PLA2G4A: variants seen among roughly 807,000 people sequenced by gnomAD.
PLA2G4A encodes cytosolic phospholipase A2.
A neutral mutation model predicts 81.9 loss-of-function variants in PLA2G4A; 40 were observed. That is an observed-to-expected ratio of 0.49 (90% CI 0.38 to 0.64). The LOEUF (loss-of-function observed/expected upper bound fraction) is 0.64, where lower values mean the gene tolerates loss of function less well. Ranked by LOEUF, PLA2G4A falls within the 30% of genes least tolerant of loss-of-function variation. The pLI is 0.00. For missense variants in PLA2G4A, 715 were observed against 905.1 expected (o/e 0.79, Z 2.69); for synonymous variants, 302 against 296.9 (o/e 1.02, Z -0.18).
intron 5 of PLA2G4A, among the ~76,000 whole-genome samples, chr1:186,894,727 T>C (rs565200561): frequency 1.3e-5 from 2 of 152,304 alleles, no homozygotes; most frequent in Admixed American, 1.3e-4. Context: ...CCAAAAGGAT[T>C]GATGGGAGGT....
At chr1:186,889,797 C>A (rs139288105) in intron 3 of PLA2G4A, among the ~76,000 whole-genome samples, 8 of 152,034 alleles carry the variant, frequency 5.3e-5, no homozygotes, top group Middle Eastern at 3.2e-3. Context: ...TCTCTCCCCC[C>A]TCCCTCCCTC....
At chr1:186,912,488 C>G (rs554141892) in intron 7 of PLA2G4A, among the ~76,000 whole-genome samples, 1 of 152,166 alleles carries the variant, frequency 6.6e-6, no homozygotes, top group South Asian at 2.1e-4. Context: ...CCCTGCACCA[C>G]TGATACTTTT....
chr1:186,918,554 C>T (rs1325194669), intron 7 of PLA2G4A, among the ~76,000 whole-genome samples: 1 of 152,178 alleles, frequency 6.6e-6, no homozygotes, highest in South Asian at 2.1e-4. Context: ...GTTACCACCG[C>T]ATATCCTGCA....
intron 13 of PLA2G4A, among the ~76,000 whole-genome samples, chr1:186,951,816 C>T (rs1656571613): frequency 6.6e-6 from 1 of 152,090 alleles, no homozygotes; most frequent in African/African-American, 2.4e-5. Context: ...AAAGAGGATT[C>T]CTTCCCTGGG....
intron 8 of PLA2G4A, 97 bp from the exon 9 acceptor site, chr1:186,938,911 G>A: frequency 1.3e-6 from 1 of 749,148 alleles, no homozygotes; most frequent in Non-Finnish European, 2.4e-6. Flanking sequence ...AACCAAATAT[G>A]TCCACCATGC....
rs1347802507 is a variant in PLA2G4A at position 186,892,950 on chromosome 1, A to C, written c.116-61A>C. ...ATAAACTGACAACATATATTAATAA[A>C]AAAATTAGGAACTATGAATCACATT... On this transcript the variant is annotated intron_variant, in intron 3 of 17. Coordinates refer to ENST00000367466, the MANE Select transcript of PLA2G4A (RefSeq NM_024420.3). The C allele has an allele frequency of 2.5e-6, 3 of 1,223,212 alleles. No homozygotes were observed. The Admixed American group carries it at 5.1e-5, about 21-fold the overall frequency. The allele number at this position is 1,223,212 out of a possible 1,614,324, so 75.8% of individuals were successfully genotyped here.
chr1:186,939,286 A>G, intron 9 of PLA2G4A, 56 bp downstream of exon 9: 1 of 711,986 alleles, frequency 1.4e-6, no homozygotes, highest in Non-Finnish European at 2.4e-6. Flanking sequence ...AACATATTAT[A>G]ATATTATATT....
chr1:186,854,477 G>A lies in PLA2G4A; in HGVS notation c.33+90G>A, dbSNP rs1052537123. The A allele has an allele frequency of 1.3e-5, 11 of 831,078 alleles. No homozygotes were observed. The African/African-American group carries it at 1.7e-4, about 13-fold the overall frequency. 51.5% of individuals were successfully genotyped at this position (831,078 alleles called of 1,614,324 possible). ...CGGGTGTTGCTAGTAAAGTCAAACT[G>A]TGACAACTTCTGCATTTGTTATTAA... On this transcript the variant is annotated intron_variant, in intron 2 of 17. Coordinates refer to ENST00000367466, the MANE Select transcript of PLA2G4A (RefSeq NM_024420.3).
chr1:186,972,124 A>C (rs1265882473), intron 15 of PLA2G4A, among the ~76,000 whole-genome samples: 1 of 152,174 alleles, frequency 6.6e-6, no homozygotes, highest in Admixed American at 6.6e-5. Context: ...TCTGTGTTGT[A>C]ACTGGCCTTG....
chr1:186,853,432 T>C (rs933831815), intron 1 of PLA2G4A, among the ~76,000 whole-genome samples: 4 of 151,870 alleles, frequency 2.6e-5, no homozygotes, highest in Non-Finnish European at 5.9e-5. Flanking sequence ...TTATATTTTT[T>C]TAAAGTTGAT....
At chr1:186,844,245 T>C (rs1406131457) in intron 1 of PLA2G4A, among the ~76,000 whole-genome samples, 1 of 152,218 alleles carries the variant, frequency 6.6e-6, no homozygotes, top group Non-Finnish European at 1.5e-5. Flanking sequence ...CATTTACCCA[T>C]CTGAATTCCT....
At chr1:186,851,185 G>T (rs1652359569) in intron 1 of PLA2G4A, among the ~76,000 whole-genome samples, 1 of 151,952 alleles carries the variant, frequency 6.6e-6, no homozygotes, top group Admixed American at 6.6e-5. Flanking sequence ...AAAATAATTG[G>T]CTTTCCTTAA....
At chr1:186,907,652 CAA>C (rs1217450568) in intron 6 of PLA2G4A, among the ~76,000 whole-genome samples, 2 of 152,126 alleles carry the variant, frequency 1.3e-5, no homozygotes, top group African/African-American at 4.8e-5. Flanking sequence ...TTGATTTGAC[CAA>C]AGTTATTAGT....
At chr1:186,891,774 T>A (rs1313864189) in intron 3 of PLA2G4A, among the ~76,000 whole-genome samples, 1 of 152,214 alleles carries the variant, frequency 6.6e-6, no homozygotes, top group Non-Finnish European at 1.5e-5. Context: ...AGTACAGATA[T>A]CTCTTCAGTA....
rs553578141 is a variant in PLA2G4A, at chr1:186,833,567, C to T, written c.-70+4532C>T. ...GTTCTGGAGTTCTTTCCAAAGAAGA[C>T]AGTAAATAGAGCAGAGGTTATTCTG... On this transcript the variant is annotated intron_variant, in intron 1 of 17. Coordinates refer to ENST00000367466, the MANE Select transcript of PLA2G4A (RefSeq NM_024420.3). 7.2e-5 allele frequency among the ~76,000 whole-genome samples: 11 copies of T among 152,194 alleles called. No homozygotes were observed. The South Asian group carries it at 2.1e-3, about 29-fold the overall frequency.
intron 12 of PLA2G4A, among the ~76,000 whole-genome samples, chr1:186,947,544 C>T (rs1299726434): frequency 1.3e-5 from 2 of 152,014 alleles, no homozygotes; most frequent in East Asian, 1.9e-4. Flanking sequence ...CAACTGGGGA[C>T]CAGTGGTTTT....
intron 15 of PLA2G4A, among the ~76,000 whole-genome samples, chr1:186,967,348 C>A (rs1386567826): frequency 4.0e-5 from 6 of 148,156 alleles, no homozygotes; most frequent in Non-Finnish European, 9.1e-5. Context: ...CAGCCCACGA[C>A]CTGGCTAGGG....
chr1:186,865,645 A>T (rs1346856796), intron 2 of PLA2G4A, among the ~76,000 whole-genome samples: 1 of 152,220 alleles, frequency 6.6e-6, no homozygotes, highest in Non-Finnish European at 1.5e-5. Context: ...TGAATAGAGA[A>T]AAACAATATT....
intron 15 of PLA2G4A, among the ~76,000 whole-genome samples, chr1:186,973,922 C>T (rs1657444394): frequency 6.6e-6 from 1 of 152,002 alleles, no homozygotes; most frequent in East Asian, 1.9e-4. Context: ...CTAATCTTCT[C>T]CCTAATCTTA....
Sources: allele counts gnomAD v4.1 joint callset (sites outside exome capture counted in the v4.1 genomes callset), GRCh38; gene constraint gnomAD v4.1.1; transcripts MANE v1.5; gene names NCBI Gene and HGNC (gene_info 2026-07-23, HGNC 2026-07-21).